The following STAT1 variants were observed in gnomAD, a reference collection of about 807,000 sequenced individuals.
STAT1 encodes signal transducer and activator of transcription 1-alpha/beta.
In STAT1, 24 loss-of-function variants were observed where a neutral mutation model predicts 111.7. That is an observed-to-expected ratio of 0.21 (90% confidence interval 0.16 to 0.30). The LOEUF is 0.30. Ranked by LOEUF, STAT1 falls within the 10% of genes least tolerant of loss-of-function variation. STAT1 has a pLI of 1.00. For synonymous variants in STAT1, 332 were observed against 326.5 expected, an observed-to-expected ratio of 1.02 and a Z score of -0.18; for missense variants, 351 against 911.9, an observed-to-expected ratio of 0.38 and a Z score of 7.92.
At position 190,995,085 on chromosome 2, in the gene STAT1, C is replaced by A. The variant is rs2125061819; in HGVS notation, c.920G>T (p.Ser307Ile). The change falls in exon 10 of 25, where the codon AGT (serine) becomes ATT (isoleucine). Residue 307 changes from serine to isoleucine, a missense_variant. Coordinates refer to ENST00000361099, the MANE Select transcript of STAT1 (RefSeq NM_007315.4). The surrounding 1 kb of genome is among the most constrained non-coding windows in gnomAD (Gnocchi z 4.2). ...NKQVLWDRTF[S>I]LFQQLIQSSF... The stretch of plus-strand genomic sequence containing the variant: ...CCTCTGAATGAGCTGCTGGAAAAGA[C>A]TGAAGGTGCGGTCCCATAACACTTG... 2 of 1,613,812 alleles carry A rather than the reference C, an allele frequency of 1.2e-6. No individual in the cohort carries two copies. The highest frequency in any genetic ancestry group is 4.5e-5 in the East Asian group (2 of 44,868).
At chr2:191,010,048 C>A (rs1392323955) in intron 2 of STAT1, 44 bp from the exon 3 acceptor site, 2 of 1,607,836 alleles carry the variant, frequency 1.2e-6, no homozygotes, top group Non-Finnish European at 8.5e-7. Context: ...TATATGGAAA[C>A]CATAGCTCCA....
At chr2:190,991,130 TC>T in intron 11 of STAT1, 97 bp downstream of exon 11, 1 of 1,066,036 alleles carries the variant, frequency 9.4e-7, no homozygotes, top group East Asian at 2.4e-5. Context: ...AAAAATTATT[TC>T]CTCAAAAGCA....
Position 191,006,695 on chromosome 2 carries a change from C to G in STAT1, c.372+868G>C, listed in dbSNP as rs1559024177. Among the ~76,000 whole-genome samples the G allele has an allele frequency of 1.3e-5, 2 of 152,210 alleles. No individual in the cohort carries two copies. The highest frequency in any genetic ancestry group is 6.5e-5 in the Admixed American group (1 of 15,282). On this transcript the variant is annotated intron_variant, in intron 5 of 24. Transcript: ENST00000361099. The surrounding 1 kb of genome is among the most constrained non-coding windows in gnomAD (Gnocchi z 4.6). ...CCTGCCTGTTGGCTTGTTGTCACCA[C>G]CCCAGTGCTCAAGAAAGGAATACTA...
At chr2:191,001,001 C>A (rs1694227785) in intron 6 of STAT1, 73 bp downstream of exon 6, 1 of 1,253,992 alleles carries the variant, frequency 8.0e-7, no homozygotes, top group Admixed American at 1.7e-5. Context: ...GAGGTTTACA[C>A]CCCAAGCAAT....
chr2:190,970,150 T>C lies in STAT1; in HGVS notation c.*553A>G, dbSNP rs1237438235. On this transcript the variant is annotated 3_prime_UTR_variant, in exon 25 of 25. Coordinates refer to ENST00000361099, the MANE Select transcript of STAT1 (RefSeq NM_007315.4). The surrounding 1 kb of genome is among the most constrained non-coding windows in gnomAD (Gnocchi z 5.4). ...ACACATTTTCCCCCTACCAGATCCATGATGGCTACCTTTGAAAGAGGACTG... is the reference window on the plus strand; with the variant it reads ...ACACATTTTCCCCCTACCAGATCCACGATGGCTACCTTTGAAAGAGGACTG... 6.1e-6 allele frequency: 1 copy of C among 163,374 alleles called. No homozygotes were observed. Among genetic ancestry groups the C allele is most frequent in the Non-Finnish European group, 1.3e-5 (1 of 74,406 alleles). The allele number at this position is 163,374 out of a possible 1,614,324, so 10.1% of individuals were successfully genotyped here. A position where few individuals can be genotyped will look rare whatever the true frequency, so the allele number is the denominator to read the frequency against.
rs1233834844 is a variant in STAT1, at chr2:190,973,114, A to G, written c.2238+1716T>C. 6.6e-6 allele frequency among the ~76,000 whole-genome samples: 1 copy of G among 152,134 alleles called. No individual in the cohort carries two copies. The highest frequency in any genetic ancestry group is 1.9e-4 in the East Asian group (1 of 5,188). ...ATGCTGATTGCCAAATCCCAAACACATACGGGCCTCTCACCCAAAGGCCAT... is the reference window on the plus strand; with the variant it reads ...ATGCTGATTGCCAAATCCCAAACACGTACGGGCCTCTCACCCAAAGGCCAT... On this transcript the variant is annotated intron_variant, in intron 24 of 24. Coordinates refer to ENST00000361099, the MANE Select transcript of STAT1 (RefSeq NM_007315.4). This position sits in a 1 kb window ranked among gnomAD's most constrained non-coding sequence, Gnocchi z 4.4.
rs1308572067 is a variant in STAT1 at position 190,970,778 on chromosome 2, A to ACATTAAATGCAGACAAG, written c.2239-62_2239-61insCTTGTCTGCATTTAATG. 9 of 1,454,022 alleles carry ACATTAAATGCAGACAAG rather than the reference A, an allele frequency of 6.2e-6. No homozygotes were observed. The highest frequency in any genetic ancestry group is 2.8e-5 in the African/African-American group (2 of 71,646). The allele number at this position is 1,454,022 out of a possible 1,614,324, so 90.1% of individuals were successfully genotyped here. ...CTGATCTTGTGAAATGCAGACTCAT[A>ACATTAAATGCAGACAAG]CATTAAACATTGCTTGTCTATTCTA... On this transcript the variant is annotated intron_variant, in intron 24 of 24. Transcript: ENST00000361099. The surrounding 1 kb of genome is among the most constrained non-coding windows in gnomAD (Gnocchi z 5.4).
rs928667433 is a variant in STAT1 at position 190,984,964 on chromosome 2, G to C, written c.1264-571C>G. ...AAACATAGTTCAGGCGCACACCAGG[G>C]CTAGAAGGCATCTTTGCACTGCCTG... On this transcript the variant is annotated intron_variant, in intron 15 of 24. Transcript: ENST00000361099. The surrounding 1 kb of genome is among the most constrained non-coding windows in gnomAD (Gnocchi z 5.2). Among the ~76,000 whole-genome samples the C allele has an allele frequency of 1.3e-5, 2 of 152,226 alleles. No homozygotes were observed. The highest frequency in any genetic ancestry group is 3.8e-4 in the East Asian group (2 of 5,202).
chr2:190,987,047 T>C lies in STAT1; in HGVS notation c.1119A>G (p.Thr373=), dbSNP rs749099290. 7 of 1,610,534 alleles carry C rather than the reference T, an allele frequency of 4.3e-6. No homozygotes were observed. In the East Asian group the frequency reaches 1.3e-4, roughly 31 times the overall value. The part of the protein sequence containing the change: ...LFDKDVNERN[T]VKGFRKFNIL... ...TAAAGTACGTCACGTACCCTTTTAC[T>C]GTATTTCTCTCATTCACATCTCTGC... Residue 373 remains threonine, a synonymous_variant, in exon 13 of 25, where the codon ACA becomes ACG. Transcript: ENST00000361099. The surrounding 1 kb of genome is among the most constrained non-coding windows in gnomAD (Gnocchi z 4.0).
At position 190,975,127 on chromosome 2, in the gene STAT1, T is replaced by G. The variant is rs930742174; in HGVS notation, c.2136-195A>C. 1.1e-4 allele frequency among the ~76,000 whole-genome samples: 16 copies of G among 152,310 alleles called. 1 individual carries two copies. The highest frequency in any genetic ancestry group is 3.8e-4 in the African/African-American group (16 of 41,564). ...GGCTCATGTCCCCAGCCCAGCCCCT[T>G]GGGAAATGTTTCACACTCCAGGGAT... is the stretch of plus-strand genomic sequence containing the variant. On this transcript the variant is annotated intron_variant, in intron 23 of 24. Transcript: ENST00000361099. This position sits in a 1 kb window ranked among gnomAD's most constrained non-coding sequence, Gnocchi z 5.9.
At position 191,008,950 on chromosome 2, in the gene STAT1, A is replaced by G. The variant is rs375375875; in HGVS notation, c.273+13T>C. On this transcript the variant is annotated intron_variant, in intron 4 of 24. Transcript: ENST00000361099. ...GAGAACATTTCAACTAAAATACAAAAACCAGGTCATACCTGAAGATTACGC... is the reference window on the plus strand; with the variant it reads ...GAGAACATTTCAACTAAAATACAAAGACCAGGTCATACCTGAAGATTACGC... 8 of 1,613,182 alleles carry G rather than the reference A, an allele frequency of 5.0e-6. No individual in the cohort carries two copies. The African/African-American group carries it at 1.1e-4, about 22-fold the overall frequency.
At position 191,003,171 on chromosome 2, in the gene STAT1, C is replaced by A. The variant is rs749414153; in HGVS notation, c.373-2008G>T. Among the ~76,000 whole-genome samples the A allele has an allele frequency of 5.9e-5, 9 of 152,304 alleles. No individual in the cohort carries two copies. The Middle Eastern group carries it at 0.01, about 173-fold the overall frequency. ...AGTTTTCCTTCATGTTACATATTCT[C>A]CAACAGCAGAAGTTCAAAGCATGTG... On this transcript the variant is annotated intron_variant, in intron 5 of 24. Transcript: ENST00000361099. This position sits in a 1 kb window ranked among gnomAD's most constrained non-coding sequence, Gnocchi z 4.0.
At position 190,970,919 on chromosome 2, in the gene STAT1, C is replaced by T. The variant is rs189973254; in HGVS notation, c.2239-202G>A. Among the ~76,000 whole-genome samples, 26 of 152,342 alleles carry T rather than the reference C, an allele frequency of 1.7e-4. No individual in the cohort carries two copies. Among genetic ancestry groups the T allele is most frequent in the Admixed American group, 1.3e-3 (20 of 15,294 alleles). On this transcript the variant is annotated intron_variant, in intron 24 of 24. Coordinates refer to ENST00000361099, the MANE Select transcript of STAT1 (RefSeq NM_007315.4). This position sits in a 1 kb window ranked among gnomAD's most constrained non-coding sequence, Gnocchi z 5.4. Reference sequence around the variant, plus strand: ...ATCAAGACCTTTTATATCACCTAAGCTGACGGATTATTACTCTGCTGCCCA... The same window carrying T: ...ATCAAGACCTTTTATATCACCTAAGTTGACGGATTATTACTCTGCTGCCCA...
chr2:191,006,199 G>T lies in STAT1; in HGVS notation c.372+1364C>A, dbSNP rs945108518. 3.9e-5 allele frequency among the ~76,000 whole-genome samples: 6 copies of T among 152,192 alleles called. No individual in the cohort carries two copies. The highest frequency in any genetic ancestry group is 1.2e-4 in the African/African-American group (5 of 41,436). ...GGCCCACGCATACTACTTTTAGGAT[G>T]GAAGCCCCATATAATCAAAACTGCC... is the stretch of plus-strand genomic sequence containing the variant. On this transcript the variant is annotated intron_variant, in intron 5 of 24. Transcript: ENST00000361099. The surrounding 1 kb of genome is among the most constrained non-coding windows in gnomAD (Gnocchi z 4.6).
rs1008273005 is a variant in STAT1 at position 191,000,711 on chromosome 2, G to A, written c.462+363C>T. ...AGTCTTAGGATAAAACAGATGACTG[G>A]GAAGGATGGGCCATGTTTATCCTGG... On this transcript the variant is annotated intron_variant, in intron 6 of 24. Coordinates refer to ENST00000361099, the MANE Select transcript of STAT1 (RefSeq NM_007315.4). This position sits in a 1 kb window ranked among gnomAD's most constrained non-coding sequence, Gnocchi z 4.8. 1.3e-5 allele frequency among the ~76,000 whole-genome samples: 2 copies of A among 152,172 alleles called. No individual in the cohort carries two copies. Among genetic ancestry groups the A allele is most frequent in the Non-Finnish European group, 2.9e-5 (2 of 68,020 alleles).
At chr2:191,013,961 G>A (rs574321996) in intron 1 of STAT1, 57 bp downstream of exon 1, 9 of 289,854 alleles carry the variant, frequency 3.1e-5, no homozygotes, top group Non-Finnish European at 1.9e-5. Context: ...TGCACGGCCC[G>A]AGGACTCTGT....
chr2:190,998,446 T>A lies in STAT1; in HGVS notation c.542-138A>T, dbSNP rs186465135. The A allele has an allele frequency of 1.8e-5, 13 of 726,718 alleles. No homozygotes were observed. The highest frequency in any genetic ancestry group is 1.8e-4 in the African/African-American group (10 of 56,276). The allele number at this position is 726,718 out of a possible 1,614,324, so 45.0% of individuals were successfully genotyped here. On this transcript the variant is annotated intron_variant, in intron 7 of 24. Coordinates refer to ENST00000361099, the MANE Select transcript of STAT1 (RefSeq NM_007315.4). The surrounding 1 kb of genome is among the most constrained non-coding windows in gnomAD (Gnocchi z 4.1). ...AAGTTTGGCTTTCTTCGATCTTTAA[T>A]GAACATGAAAAAAAGTCCTAAGTAT...
Position 190,983,511 on chromosome 2 carries a change from C to CT in STAT1, c.1446+130dup, listed in dbSNP as rs1692546304. 4 of 836,866 alleles carry CT rather than the reference C, an allele frequency of 4.8e-6. No individual in the cohort carries two copies. The highest frequency in any genetic ancestry group is 1.7e-5 in the Admixed American group (1 of 57,766). The allele number at this position is 836,866 out of a possible 1,614,324, so 51.8% of individuals were successfully genotyped here. A position where few individuals can be genotyped will look rare whatever the true frequency, so the allele number is the denominator to read the frequency against. On this transcript the variant is annotated intron_variant, in intron 17 of 24. Coordinates refer to ENST00000361099, the MANE Select transcript of STAT1 (RefSeq NM_007315.4). This position sits in a 1 kb window ranked among gnomAD's most constrained non-coding sequence, Gnocchi z 5.7. ...CATATTCCCAGATTTACTCAAAAGC[C>CT]TTAGAAATACCACAGGAGCTTTGTC...
In STAT1 at chr2:190,999,020, A is replaced by C. The variant is rs1226490995; in HGVS notation, c.541+606T>G. Among the ~76,000 whole-genome samples, 2 of 152,168 alleles carry C rather than the reference A, an allele frequency of 1.3e-5. No individual in the cohort carries two copies. Among genetic ancestry groups the C allele is most frequent in the Non-Finnish European group, 2.9e-5 (2 of 68,020 alleles). ...TACCCCAGATGATGAATAGAGTAAC[A>C]GCAGTACCCTACGTGTCCTACACAA... is the stretch of plus-strand genomic sequence containing the variant. On this transcript the variant is annotated intron_variant, in intron 7 of 24. Transcript: ENST00000361099. The surrounding 1 kb of genome is among the most constrained non-coding windows in gnomAD (Gnocchi z 4.1).
Sources: allele counts gnomAD v4.1 joint callset (sites outside exome capture counted in the v4.1 genomes callset), GRCh38; gene constraint gnomAD v4.1.1; non-coding constraint Gnocchi (gnomAD v3.1); transcripts MANE v1.5; gene names NCBI Gene and HGNC (gene_info 2026-07-23, HGNC 2026-07-21).